Variants in RAB37 observed in about 807,000 individuals in gnomAD.
RAB37 encodes the protein ras-related protein Rab-37.
In RAB37, 29 loss-of-function variants were observed where a neutral mutation model predicts 33.1. The observed-to-expected ratio is 0.88, with a 90% CI of 0.65 to 1.20. The LOEUF (loss-of-function observed/expected upper bound fraction) is 1.20. Ranked by LOEUF, RAB37 falls within the 50% of genes most tolerant of loss-of-function variation. The pLI, the probability that RAB37 is intolerant of heterozygous loss-of-function variation, is 0.00. For synonymous variants in RAB37, 128 were observed against 119.5 expected (o/e 1.07, Z -0.47); for missense variants, 299 against 301.1 (o/e 0.99, Z 0.05).
At chr17:74,698,841 G>A (rs541205095) in intron 1 of RAB37, among the ~76,000 whole-genome samples, 7 of 152,262 alleles carry the variant, frequency 4.6e-5, no homozygotes, top group Non-Finnish European at 4.4e-5. Context: ...TAACAAATCT[G>A]TACGTGTACC....
At chr17:74,673,183 C>T (rs1182907246) in intron 1 of RAB37, among the ~76,000 whole-genome samples, 1 of 151,932 alleles carries the variant, frequency 6.6e-6, no homozygotes, top group Non-Finnish European at 1.5e-5. Context: ...GGCGGTGGAC[C>T]GCTTGAGGTC....
chr17:74,683,891 C>T (rs1051869789), intron 1 of RAB37, among the ~76,000 whole-genome samples: 2 of 152,030 alleles, frequency 1.3e-5, no homozygotes, highest in South Asian at 2.1e-4. Context: ...GCGAGGGTCA[C>T]GGGCAGCAGG....
chr17:74,737,210 T>TGGGGGGGGGGGGGGGGGGGGGGGGGGGG, upstream of RAB37: 1 of 532,618 alleles, frequency 1.9e-6, no homozygotes, highest in Non-Finnish European at 3.1e-6. Flanking sequence ...GGGGCGGGGG[T>TGGGGGGGGGGGGGGGGGGGGGGGGGGGG]GGGGCCGTTC....
chr17:74,740,288 T>A (rs2034581171), intron 1 of RAB37, among the ~76,000 whole-genome samples: 1 of 151,868 alleles, frequency 6.6e-6, no homozygotes, highest in African/African-American at 2.4e-5. Context: ...TCTGATAGAC[T>A]CCCTTGGGTG....
At position 74,739,874 on chromosome 17, in the gene RAB37, C is replaced by T. The variant is rs552233867; in HGVS notation, c.94-894C>T. On this transcript the variant is annotated intron_variant, in intron 1 of 8. Transcript: ENST00000392613. Reference sequence around the variant, plus strand: ...AACATAAAATGTCATTAGAAACTTCCAGTCAGGCGCGGTGGCTCACGCCCG... The same window carrying T: ...AACATAAAATGTCATTAGAAACTTCTAGTCAGGCGCGGTGGCTCACGCCCG... Among the ~76,000 whole-genome samples the T allele has an allele frequency of 1.4e-4, 21 of 152,162 alleles. No individual in the cohort carries two copies. The South Asian group carries it at 2.3e-3, about 17-fold the overall frequency.
intron 1 of RAB37, among the ~76,000 whole-genome samples, chr17:74,672,263 T>C (rs1043522738): frequency 6.8e-6 from 1 of 146,184 alleles, no homozygotes; most frequent in East Asian, 2.0e-4. Context: ...CCTAAGATAG[T>C]TGTTGGGAAA....
intron 1 of RAB37, among the ~76,000 whole-genome samples, chr17:74,679,110 CAA>C (rs36065654): frequency 4.8e-4 from 59 of 122,736 alleles, no homozygotes; most frequent in African/African-American, 7.2e-4. Context: ...GACTCTGTCT[CAA>C]AAAAAAAAAA....
At chr17:74,691,179 AT>A (rs1181409694) in intron 1 of RAB37, among the ~76,000 whole-genome samples, 1 of 152,090 alleles carries the variant, frequency 6.6e-6, no homozygotes, top group East Asian at 1.9e-4. Flanking sequence ...CAGCTAATTA[AT>A]TAATTATTGT....
At position 74,743,316 on chromosome 17, in the gene RAB37, C is replaced by A. The variant is rs1436408440; in HGVS notation, c.342C>A (p.Asn114Lys). ...TGCTTCTGCTGTATGACATCACCAA[C>A]AAATCTTCTTTCGACAACATCAGGG... ...QALLLLYDIT[N>K]KSSFDNIRAW... is the part of the protein sequence containing the mutation. Residue 114 changes from asparagine to lysine, a missense_variant, in exon 5 of 9, where the codon AAC becomes AAA. Transcript: ENST00000392613. 6.2e-7 allele frequency: 1 copy of A among 1,614,014 alleles called. No individual in the cohort carries two copies. The highest frequency in any genetic ancestry group is 8.5e-7 in the Non-Finnish European group (1 of 1,180,028).
Position 74,691,434 on chromosome 17 carries a change from C to G in RAB37, c.72+19776C>G, listed in dbSNP as rs1359815842. ...ATCCTCCTGGCTAAGCCTTCCAAAG[C>G]ACTGGGATTACAAACGTGAGCCACC... On this transcript the variant is annotated intron_variant, in intron 1 of 7. Coordinates refer to the RAB37 transcript ENST00000340415. Among the ~76,000 whole-genome samples, 3 of 152,170 alleles carry G rather than the reference C, an allele frequency of 2.0e-5. No homozygotes were observed. In the East Asian group the frequency reaches 5.8e-4, roughly 29 times the overall value.
At chr17:74,697,765 G>A (rs1598212068) in intron 1 of RAB37, among the ~76,000 whole-genome samples, 2 of 152,218 alleles carry the variant, frequency 1.3e-5, no homozygotes, top group Non-Finnish European at 1.5e-5. Context: ...CAAAGGGCAA[G>A]TAGGTCAGCC....
At chr17:74,674,304 A>T (rs2031773115) in intron 1 of RAB37, among the ~76,000 whole-genome samples, 1 of 123,008 alleles carries the variant, frequency 8.1e-6, no homozygotes, top group South Asian at 2.9e-4. Context: ...CTGGTCTTGA[A>T]CTCCTGGCCT....
At position 74,730,383 on chromosome 17, in the gene RAB37, C is replaced by A. The variant is rs565991863; in HGVS notation, c.183+1017C>A. 1.1e-4 allele frequency among the ~76,000 whole-genome samples: 16 copies of A among 152,328 alleles called. No homozygotes were observed. The highest frequency in any genetic ancestry group is 3.8e-4 in the African/African-American group (16 of 41,584). On this transcript the variant is annotated intron_variant, in intron 2 of 7. Coordinates refer to the RAB37 transcript ENST00000340415. The surrounding 1 kb of genome is among the most constrained non-coding windows in gnomAD (Gnocchi z 4.4). ...AAACTCAGAAAAATGGGCTTGCCCA[C>A]TGGGTCACAGCCAGGAAGGCAGGGG...
In RAB37 at chr17:74,719,008, G is replaced by T. The variant is rs141790623; in HGVS notation, c.73-10248G>T. On this transcript the variant is annotated intron_variant, in intron 1 of 7. Coordinates refer to the RAB37 transcript ENST00000340415. Reference sequence around the variant, plus strand: ...AGGTTATACATCTGTGGGGGAAAAGGGTCTGTGGAAAAATCCCTGTATCTT... The same window carrying T: ...AGGTTATACATCTGTGGGGGAAAAGTGTCTGTGGAAAAATCCCTGTATCTT... 2.0e-3 allele frequency among the ~76,000 whole-genome samples: 303 copies of T among 152,184 alleles called. 1 individual carries two copies. Among genetic ancestry groups the T allele is most frequent in the African/African-American group, 6.9e-3 (286 of 41,520 alleles).
intron 1 of RAB37, among the ~76,000 whole-genome samples, chr17:74,709,769 C>T (rs1363723359): frequency 6.6e-6 from 1 of 151,904 alleles, no homozygotes; most frequent in South Asian, 2.1e-4. Flanking sequence ...GACAAGGTCT[C>T]ACTTTGTTGC....
rs746258564 is a variant in RAB37, at chr17:74,695,264, C to T, written c.72+23606C>T. 23 of 1,613,484 alleles carry T rather than the reference C, an allele frequency of 1.4e-5. 1 individual carries two copies. The highest frequency in any genetic ancestry group is 5.0e-5 in the Admixed American group (3 of 59,952). ...TCGGCAAGGAAGCCTGCAGCAAAGGCGGGCTCCAGGTCAGAGAGGACGGCA... is the reference window on the plus strand; with the variant it reads ...TCGGCAAGGAAGCCTGCAGCAAAGGTGGGCTCCAGGTCAGAGAGGACGGCA... On this transcript the variant is annotated intron_variant, in intron 1 of 7. Transcript: ENST00000340415.
upstream of RAB37, among the ~76,000 whole-genome samples, chr17:74,733,487 T>TGTGGG: frequency 1.0e-4 from 14 of 134,496 alleles, no homozygotes; most frequent in South Asian, 2.4e-4. Flanking sequence ...GTGTGAGGTG[T>TGTGGG]GTGGTGTGAT....
At position 74,742,205 on chromosome 17, in the gene RAB37, G is replaced by T; in HGVS notation, c.205-49G>T. ...CAAGACAGGACGTCTGCAGAGCTGA[G>T]GAGCCACATGACTCCTGCCCTCCCA... is the stretch of plus-strand genomic sequence containing the variant. On this transcript the variant is annotated intron_variant, in intron 2 of 8. Coordinates refer to ENST00000392613, the MANE Select transcript of RAB37 (RefSeq NM_001006638.3). The surrounding 1 kb of genome is among the most constrained non-coding windows in gnomAD (Gnocchi z 4.0). 1 of 1,605,070 alleles carries T rather than the reference G, an allele frequency of 6.2e-7. No homozygotes were observed. The highest frequency in any genetic ancestry group is 1.1e-5 in the South Asian group (1 of 89,406).
At position 74,676,189 on chromosome 17, in the gene RAB37, G is replaced by A. The variant is rs1439775090; in HGVS notation, c.72+4531G>A. ...ACAGAGAGGGCAAGCTTTTGCCCCA[G>A]ATACCAGTGAATTAGGACAAAAGGG... On this transcript the variant is annotated intron_variant, in intron 1 of 7. Transcript: ENST00000340415. The surrounding 1 kb of genome is among the most constrained non-coding windows in gnomAD (Gnocchi z 4.1). Among the ~76,000 whole-genome samples, 3 of 152,114 alleles carry A rather than the reference G, an allele frequency of 2.0e-5. No individual in the cohort carries two copies. The highest frequency in any genetic ancestry group is 7.2e-5 in the African/African-American group (3 of 41,418).
Sources: allele counts gnomAD v4.1 joint callset (sites outside exome capture counted in the v4.1 genomes callset), GRCh38; gene constraint gnomAD v4.1.1; non-coding constraint Gnocchi (gnomAD v3.1); transcripts MANE v1.5; gene names NCBI Gene and HGNC (gene_info 2026-07-23, HGNC 2026-07-21).